DST: variants seen among roughly 807,000 people sequenced by gnomAD.
DST encodes the protein dystonin.
Under a neutral mutation model 875.2 loss-of-function variants are expected in DST, and 253 were observed. The ratio of observed to expected loss-of-function variants is 0.29; its 90% CI spans 0.26 to 0.32. The LOEUF (loss-of-function observed/expected upper bound fraction) is 0.32. Ranked by LOEUF, DST falls within the 10% of genes least tolerant of loss-of-function variation. The probability of loss-of-function intolerance (pLI) is 1.00; values close to 1 mark genes in which losing one functional copy is unlikely to be tolerated. For missense variants in DST, 8,287 were observed against 9,111.6 expected (o/e 0.91, Z 3.68); for synonymous variants, 3,124 against 3,197.1 (o/e 0.98, Z 0.77).
chr6:56,599,692 T>C lies in DST; in HGVS notation c.11694+377A>G, dbSNP rs1399044564. Among the ~76,000 whole-genome samples the C allele has an allele frequency of 2.0e-5, 3 of 151,918 alleles. No individual in the cohort carries two copies. In the East Asian group the frequency reaches 5.8e-4, roughly 29 times the overall value. Reference sequence around the variant, plus strand: ...GGAACAAATCACAAGAAAGAAGGAGTAAGAAGGAGCTAAGAAAGAGAAAGA... The same window carrying C: ...GGAACAAATCACAAGAAAGAAGGAGCAAGAAGGAGCTAAGAAAGAGAAAGA... On this transcript the variant is annotated intron_variant, in intron 45 of 103. Coordinates refer to ENST00000680361, the MANE Select transcript of DST (RefSeq NM_001374736.1).
rs1171433851 is a variant in DST at position 56,552,193 on chromosome 6, G to A, written c.16599C>T (p.Asn5533=). The A allele has an allele frequency of 1.4e-5, 22 of 1,609,454 alleles. No individual in the cohort carries two copies. Among genetic ancestry groups the A allele is most frequent in the Non-Finnish European group, 1.9e-5 (22 of 1,177,720 alleles). ...METETINQQL[N]MFKVFQKEEI... ...ATGAAGAGTTCCCTACCTTGAACAT[G>A]TTAAGCTGCTGATTAATTGTCTCCG... The change falls in exon 61 of 104, where the codon AAC becomes AAT. Residue 5533 remains asparagine, a synonymous_variant. Coordinates refer to ENST00000680361, the MANE Select transcript of DST (RefSeq NM_001374736.1).
intron 4 of DST, among the ~76,000 whole-genome samples, chr6:56,817,644 T>C (rs2153043416): frequency 6.6e-6 from 1 of 152,304 alleles, no homozygotes; most frequent in East Asian, 1.9e-4. Context: ...TATGAAATCA[T>C]ATTTTTATGT....
chr6:56,486,407 A>G (rs1236687097), intron 87 of DST, among the ~76,000 whole-genome samples: 2 of 148,992 alleles, frequency 1.3e-5, no homozygotes, highest in Non-Finnish European at 3.0e-5. Flanking sequence ...CAAAACTAAC[A>G]TGACAAAAAC....
At chr6:56,697,327 A>T (rs982474849) in intron 9 of DST, among the ~76,000 whole-genome samples, 2 of 152,154 alleles carry the variant, frequency 1.3e-5, no homozygotes, top group African/African-American at 2.4e-5. Context: ...TTCACAGCTT[A>T]TCTCTCTCAC....
At chr6:56,597,221 C>A (rs1416998711) in intron 47 of DST, among the ~76,000 whole-genome samples, 3 of 147,420 alleles carry the variant, frequency 2.0e-5, no homozygotes, top group African/African-American at 7.5e-5. Flanking sequence ...ACCTGGGCGA[C>A]AGGGTGAGAC....
chr6:56,636,605 G>A lies in DST; in HGVS notation c.3012C>T (p.Leu1004=). 6.2e-7 allele frequency: 1 copy of A among 1,613,562 alleles called. No homozygotes were observed. The highest frequency in any genetic ancestry group is 8.5e-7 in the Non-Finnish European group (1 of 1,179,948). ...MQTQWSWILQ[L]CQCVEQHIKE... Reference sequence around the variant, plus strand: ...TTATGTGCTGCTCCACACACTGGCAGAGCTGTAAGATCCAGCTCCACTGCG... The same window carrying A: ...TTATGTGCTGCTCCACACACTGGCAAAGCTGTAAGATCCAGCTCCACTGCG... Residue 1004 remains leucine, a synonymous_variant, in exon 23 of 104, where the codon CTC becomes CTT. Coordinates refer to ENST00000680361, the MANE Select transcript of DST (RefSeq NM_001374736.1).
chr6:56,477,423 G>T lies in DST; in HGVS notation c.21597C>A (p.Thr7199=). ...ELNKATTMGD[T]VLAICHPDSI... is the part of the protein sequence containing the mutation. ...AGTCGGGGTGGCAGATAGCCAAAAC[G>T]GTGTCGCCCATAGTGGTGGCTTTAT... The change falls in exon 91 of 104, where the codon ACC becomes ACA. Residue 7199 remains threonine (T), a synonymous_variant. Coordinates refer to ENST00000680361, the MANE Select transcript of DST (RefSeq NM_001374736.1). The T allele has an allele frequency of 6.2e-7, 1 of 1,613,938 alleles. No homozygotes were observed. Among genetic ancestry groups the T allele is most frequent in the East Asian group, 2.2e-5 (1 of 44,876 alleles).
chr6:56,873,211 GTTGT>G (rs1321885406), intron 3 of DST, among the ~76,000 whole-genome samples: 1 of 152,090 alleles, frequency 6.6e-6, no homozygotes, highest in Non-Finnish European at 1.5e-5. Flanking sequence ...TTGCTCTTGA[GTTGT>G]TTGAGTTCCT....
chr6:56,529,607 C>T lies in DST; in HGVS notation c.17436G>A (p.Arg5812=). 1 of 1,613,770 alleles carries T rather than the reference C, an allele frequency of 6.2e-7. No individual in the cohort carries two copies. Among genetic ancestry groups the T allele is most frequent in the Non-Finnish European group, 8.5e-7 (1 of 1,179,780 alleles). Residue 5812 remains arginine (R), a synonymous_variant, in exon 66 of 104, where the codon AGG becomes AGA. Coordinates refer to ENST00000680361, the MANE Select transcript of DST (RefSeq NM_001374736.1). The stretch of plus-strand genomic sequence containing the variant: ...ATAAGGCCTGCTGGAGGAGCTCAGA[C>T]CTGCTGTGACTTTTCTCTTGAATCT... ...YIEIQEKSHS[R]SELLQQALCN...
intron 3 of DST, among the ~76,000 whole-genome samples, chr6:56,894,985 A>AC (rs1431043200): frequency 1.2e-5 from 1 of 85,374 alleles, no homozygotes; most frequent in Non-Finnish European, 2.2e-5. Flanking sequence ...CGGGGGGCTG[A>AC]CCCCCCTACC....
At chr6:56,577,493 A>C (rs1455198646) in intron 50 of DST, among the ~76,000 whole-genome samples, 2 of 152,222 alleles carry the variant, frequency 1.3e-5, no homozygotes, top group Non-Finnish European at 2.9e-5. Context: ...TGACTTATAC[A>C]TACATCTGCA....
Position 56,620,532 on chromosome 6 carries a change from C to T in DST, c.4929+3998G>A, listed in dbSNP as rs2098680628. The T allele has an allele frequency of 1.2e-6, 2 of 1,614,000 alleles. No individual in the cohort carries two copies. The highest frequency in any genetic ancestry group is 8.5e-7 in the Non-Finnish European group (1 of 1,180,034). On this transcript the variant is annotated intron_variant, in intron 36 of 103. Coordinates refer to ENST00000680361, the MANE Select transcript of DST (RefSeq NM_001374736.1). ...TGCTGCTTTCTCAATTCATTTTCTG[C>T]AGCCTCCCTGACCTTCGGAAGTTCT...
In DST at chr6:56,509,525, T is replaced by C. The variant is rs1235123364; in HGVS notation, c.19012+117A>G. On this transcript the variant is annotated intron_variant, in intron 74 of 103. Coordinates refer to ENST00000680361, the MANE Select transcript of DST (RefSeq NM_001374736.1). ...ACACAGCCCTTCAACCCTAAACACA[T>C]CACATTTGTAGTATCTTTTTTAAGA... is the stretch of plus-strand genomic sequence containing the variant. 5 of 752,600 alleles carry C rather than the reference T, an allele frequency of 6.6e-6. No individual in the cohort carries two copies. In the African/African-American group the frequency reaches 8.8e-5, roughly 13 times the overall value. 46.6% of individuals were successfully genotyped at this position (752,600 alleles called of 1,614,324 possible).
intron 4 of DST, among the ~76,000 whole-genome samples, chr6:56,803,342 C>T (rs1201901305): frequency 1.3e-5 from 2 of 152,134 alleles, no homozygotes; most frequent in Non-Finnish European, 2.9e-5. Context: ...GCTTAGTTTT[C>T]CATCGGCGTT....
At chr6:56,497,548 G>A in intron 81 of DST, 41 bp from the exon 82 acceptor site, 8 of 1,601,084 alleles carry the variant, frequency 5.0e-6, no homozygotes, top group Non-Finnish European at 6.8e-6. Context: ...CATAAACACT[G>A]TCAGTTTCAA....
At chr6:56,684,689 T>A (rs914740221) in intron 9 of DST, among the ~76,000 whole-genome samples, 1 of 152,204 alleles carries the variant, frequency 6.6e-6, no homozygotes, top group Non-Finnish European at 1.5e-5. Context: ...TCAGACTAAT[T>A]TTTCTTCTGT....
chr6:56,565,791 C>T (rs1428104827), intron 55 of DST, among the ~76,000 whole-genome samples: 1 of 152,224 alleles, frequency 6.6e-6, no homozygotes, highest in Non-Finnish European at 1.5e-5. Flanking sequence ...GCTGAAGCTG[C>T]TCCCACAGCC....
chr6:56,665,035 T>TACTACCC (rs1453610668), intron 10 of DST, among the ~76,000 whole-genome samples: 2 of 152,206 alleles, frequency 1.3e-5, no homozygotes, highest in Admixed American at 1.3e-4. Flanking sequence ...TTGTCATTCT[T>TACTACCC]ACTACCCCAT....
intron 80 of DST, among the ~76,000 whole-genome samples, chr6:56,498,554 G>A (rs1329938172): frequency 6.6e-6 from 1 of 152,074 alleles, no homozygotes; most frequent in Non-Finnish European, 1.5e-5. Context: ...AATATCTAGA[G>A]ATTATAATTA....
Sources: allele counts gnomAD v4.1 joint callset (sites outside exome capture counted in the v4.1 genomes callset), GRCh38; gene constraint gnomAD v4.1.1; transcripts MANE v1.5; gene names NCBI Gene and HGNC (gene_info 2026-07-23, HGNC 2026-07-21).